Variants in GALNT7 observed in about 807,000 individuals in gnomAD.
GALNT7 encodes polypeptide N-acetylgalactosaminyltransferase 7, also known as N-acetylgalactosaminyltransferase 7.
Under a neutral mutation model 82.1 loss-of-function variants are expected in GALNT7, and 60 were observed. That is an observed-to-expected ratio of 0.73 (90% CI 0.59 to 0.91). GALNT7 has a LOEUF of 0.91. Among genes scored for constraint, GALNT7 ranks in the 40% least tolerant of loss-of-function variants. GALNT7 has a pLI of 0.00. For missense variants in GALNT7, 660 were observed against 804.2 expected, an observed-to-expected ratio of 0.82 and a Z score of 2.17; for synonymous variants, 243 against 275.1, an observed-to-expected ratio of 0.88 and a Z score of 1.15.
intron 1 of GALNT7, among the ~76,000 whole-genome samples, chr4:173,224,248 T>C (rs1316284079): frequency 6.6e-6 from 1 of 152,244 alleles, no homozygotes; most frequent in Admixed American, 6.5e-5. Context: ...TTTGTAATCC[T>C]TCCCCTTTAC....
intron 1 of GALNT7, among the ~76,000 whole-genome samples, chr4:173,228,597 T>C (rs1733917960): frequency 6.6e-6 from 1 of 152,124 alleles, no homozygotes; most frequent in Non-Finnish European, 1.5e-5. Context: ...ATTGTGTCCC[T>C]AGAATATATT....
intron 1 of GALNT7, among the ~76,000 whole-genome samples, chr4:173,231,667 C>A (rs542907266): frequency 3.2e-4 from 49 of 152,200 alleles, no homozygotes; most frequent in African/African-American, 9.4e-4. Flanking sequence ...TTTTTAAAAT[C>A]AAAAATTGCA....
intron 11 of GALNT7, among the ~76,000 whole-genome samples, chr4:173,319,781 GC>G (rs1737736378): frequency 6.6e-6 from 1 of 152,070 alleles, no homozygotes; most frequent in African/African-American, 2.4e-5. Flanking sequence ...GCTAAAGCAC[GC>G]TATTATATAA....
chr4:173,251,502 T>C (rs1268939124), intron 2 of GALNT7, among the ~76,000 whole-genome samples: 2 of 152,238 alleles, frequency 1.3e-5, no homozygotes, highest in African/African-American at 4.8e-5. Flanking sequence ...AAAACATAAA[T>C]GTCACACATT....
intron 2 of GALNT7, among the ~76,000 whole-genome samples, chr4:173,281,806 A>G (rs954145100): frequency 2.6e-5 from 4 of 152,108 alleles, no homozygotes; most frequent in Non-Finnish European, 5.9e-5. Flanking sequence ...AAGAGCTTCT[A>G]CTTCCCTTTT....
At chr4:173,283,636 A>G (rs991499360) in intron 2 of GALNT7, among the ~76,000 whole-genome samples, 7 of 129,326 alleles carry the variant, frequency 5.4e-5, no homozygotes, top group African/African-American at 1.6e-4. Flanking sequence ...ACTCTGTCTG[A>G]AAAAAAAAAA....
intron 1 of GALNT7, among the ~76,000 whole-genome samples, chr4:173,178,529 A>C (rs904978251): frequency 5.9e-5 from 9 of 152,138 alleles, no homozygotes; most frequent in Non-Finnish European, 1.2e-4. Flanking sequence ...AATATTTCCA[A>C]ATGAGAAATG....
intron 2 of GALNT7, among the ~76,000 whole-genome samples, chr4:173,288,219 C>G: frequency 7.3e-6 from 1 of 136,880 alleles, no homozygotes. Context: ...GGAGGCGGAG[C>G]TTGCAGTGAG....
At chr4:173,236,246 C>T (rs536796478) in intron 1 of GALNT7, among the ~76,000 whole-genome samples, 1 of 152,180 alleles carries the variant, frequency 6.6e-6, no homozygotes, top group East Asian at 1.9e-4. Context: ...AGAGAGCTGG[C>T]GAGCGAGCCC....
rs1339518579 is a variant in GALNT7, at chr4:173,310,876, T to C, written c.1390-3082T>C. ...TCAGCATTCCAAGTAGCTGGGATTA[T>C]AGGTGCGCACCACCACACCTGGCTA... On this transcript the variant is annotated intron_variant, in intron 8 of 11. Coordinates refer to ENST00000265000, the MANE Select transcript of GALNT7 (RefSeq NM_017423.3). 5.3e-5 allele frequency among the ~76,000 whole-genome samples: 8 copies of C among 152,208 alleles called. No individual in the cohort carries two copies. The East Asian group carries it at 1.4e-3, about 26-fold the overall frequency.
intron 1 of GALNT7, among the ~76,000 whole-genome samples, chr4:173,235,439 C>A (rs1734187778): frequency 1.3e-5 from 2 of 152,196 alleles, no homozygotes; most frequent in African/African-American, 4.8e-5. Flanking sequence ...GCACTTTGCA[C>A]AACACGTTCT....
chr4:173,218,965 T>C (rs1013989195), intron 1 of GALNT7, among the ~76,000 whole-genome samples: 2 of 151,846 alleles, frequency 1.3e-5, no homozygotes, highest in African/African-American at 4.8e-5. Context: ...TTTAGTTGTT[T>C]TCTTTTTTCT....
intron 2 of GALNT7, among the ~76,000 whole-genome samples, chr4:173,265,586 CA>C (rs1735452906): frequency 8.1e-6 from 1 of 123,916 alleles, no homozygotes; most frequent in African/African-American, 3.4e-5. Flanking sequence ...GTGGCGTAAG[CA>C]TCTCTCTCTC....
chr4:173,199,403 A>G lies in GALNT7; in HGVS notation c.126+30442A>G, dbSNP rs993755413. On this transcript the variant is annotated intron_variant, in intron 1 of 11. Coordinates refer to ENST00000265000, the MANE Select transcript of GALNT7 (RefSeq NM_017423.3). ...TAGTGCCTCTCAGTGGATTGTTAGT[A>G]TATGCAAAGTTGTTAGGACAGTGCC... 2.0e-5 allele frequency among the ~76,000 whole-genome samples: 3 copies of G among 152,208 alleles called. No homozygotes were observed. In the South Asian group the frequency reaches 6.2e-4, roughly 31 times the overall value.
chr4:173,170,150 T>G (rs1731810555), intron 1 of GALNT7, among the ~76,000 whole-genome samples: 1 of 152,108 alleles, frequency 6.6e-6, no homozygotes. Flanking sequence ...GATGAACCGT[T>G]GCACCACCTG....
intron 3 of GALNT7, among the ~76,000 whole-genome samples, chr4:173,294,783 G>A (rs901409704): frequency 3.3e-5 from 5 of 151,996 alleles, no homozygotes; most frequent in African/African-American, 1.2e-4. Context: ...ATACATATAT[G>A]TATGTATAAT....
At chr4:173,255,040 C>T (rs28576760) in intron 2 of GALNT7, among the ~76,000 whole-genome samples, 46 of 152,200 alleles carry the variant, frequency 3.0e-4, no homozygotes, top group African/African-American at 1.1e-3. Context: ...ACAACAGATG[C>T]ATTTAGACAA....
chr4:173,268,110 C>T (rs1735571022), intron 2 of GALNT7: 1 of 154,828 alleles, frequency 6.5e-6, no homozygotes. Flanking sequence ...CTTGTAAGTG[C>T]TGGGTGATTG....
intron 1 of GALNT7, among the ~76,000 whole-genome samples, chr4:173,194,844 A>T (rs1412704876): frequency 3.3e-5 from 5 of 152,044 alleles, no homozygotes; most frequent in Non-Finnish European, 7.4e-5. Context: ...CTAGGAGATA[A>T]ATTTAATCTG....
Sources: gnomAD v4.1 joint callset for allele counts (sites outside exome capture counted in the v4.1 genomes callset) on GRCh38, gnomAD v4.1.1 for gene constraint, MANE v1.5 for transcripts, NCBI Gene and HGNC (gene_info 2026-07-23, HGNC 2026-07-21) for gene names.